DNAH12: variants seen among roughly 807,000 people sequenced by gnomAD.
DNAH12 encodes dynein axonemal heavy chain 12, also known as axonemal beta dynein heavy chain 12.
Under a neutral mutation model 371.5 loss-of-function variants are expected in DNAH12, and 285 were observed. The ratio of observed to expected loss-of-function variants is 0.77; its 90% confidence interval spans 0.70 to 0.85. The LOEUF is 0.85. Among genes scored for constraint, DNAH12 ranks in the 40% least tolerant of loss-of-function variants. DNAH12 has a pLI of 0.00. For missense variants in DNAH12, 3,611 were observed against 3,689.4 expected, an observed-to-expected ratio of 0.98 and a Z score of 0.55; for synonymous variants, 1,200 against 1,213.0, an observed-to-expected ratio of 0.99 and a Z score of 0.22.
At chr3:57,307,883 A>G (rs1275989735) in intron 69 of DNAH12, among the ~76,000 whole-genome samples, 5 of 152,138 alleles carry the variant, frequency 3.3e-5, no homozygotes, top group Non-Finnish European at 7.3e-5. Context: ...ACCAGGCCTA[A>G]TTGCCACACA....
At chr3:57,366,240 T>C (rs2063048742) in intron 57 of DNAH12, among the ~76,000 whole-genome samples, 1 of 152,122 alleles carries the variant, frequency 6.6e-6, no homozygotes, top group South Asian at 2.1e-4. Flanking sequence ...TTACAAATGC[T>C]ATGACAATGT....
At position 57,437,052 on chromosome 3, in the gene DNAH12, C is replaced by T; in HGVS notation, c.4554G>A (p.Leu1518=). 2 of 1,515,760 alleles carry T rather than the reference C, an allele frequency of 1.3e-6. No homozygotes were observed. Among genetic ancestry groups the T allele is most frequent in the Non-Finnish European group, 1.8e-6 (2 of 1,136,434 alleles). 93.9% of individuals were successfully genotyped at this position (1,515,760 alleles called of 1,614,324 possible). A position where few individuals can be genotyped will look rare whatever the true frequency, so the allele number is the denominator to read the frequency against. The change falls in exon 30 of 74, where the codon TTG becomes TTA. Residue 1518 remains leucine (L), a synonymous_variant. Transcript: ENST00000495027. ...KLPEADYHEF[L]ECAHEACNVH... is the part of the protein sequence containing the mutation. ...CATTGCAGGCTTCATGAGCACATTC[C>T]AAAAATTCCTGAAATAAAAAAAAGT...
At chr3:57,438,954 T>C (rs1322504390) in intron 29 of DNAH12, among the ~76,000 whole-genome samples, 1 of 106,952 alleles carries the variant, frequency 9.3e-6, no homozygotes, top group Non-Finnish European at 2.0e-5. Flanking sequence ...CCATTTACAA[T>C]AGACATACAC....
chr3:57,434,613 T>G (rs951355562), intron 30 of DNAH12, among the ~76,000 whole-genome samples: 1 of 152,182 alleles, frequency 6.6e-6, no homozygotes, highest in Non-Finnish European at 1.5e-5. Context: ...AAAAAAAACC[T>G]AATGTGGCAT....
rs780906229 is a variant in DNAH12 at position 57,293,876 on chromosome 3, T to C, written c.11788A>G (p.Thr3930Ala). 29 of 1,549,948 alleles carry C rather than the reference T, an allele frequency of 1.9e-5. No homozygotes were observed. The highest frequency in any genetic ancestry group is 5.9e-5 in the Admixed American group (3 of 50,810). The change falls in exon 74 of 74, where the codon ACT (threonine) becomes GCT (alanine). Residue 3930 changes from threonine to alanine, a missense_variant. By Grantham distance (58) the Thr-to-Ala change is moderately conservative. Transcript: ENST00000495027. ...KGTLSTTGHS[T>A]NFVIAMLLKT... ...AACAACATTGCAATGACAAAGTTAG[T>C]AGAATGTCCCGTAGTGGAAAGAGTT...
intron 4 of DNAH12, chr3:57,520,073 T>TTTGGAGCCGCCC: frequency 2.0e-6 from 1 of 505,454 alleles, no homozygotes; most frequent in Admixed American, 3.9e-5. Context: ...GTGGCGGCTC[T>TTTGGAGCCGCCC]GTGGCTACAG....
chr3:57,471,519 G>A lies in DNAH12; in HGVS notation c.1864C>T (p.Arg622Cys), dbSNP rs377698971. ...LILEIEKESR[R>C]MEEFTEFAEL... is the part of the protein sequence containing the mutation. ...GCAAATTCTGTAAACTCCTCCATGC[G>A]GCGTGATTCTTTTTCTATTTCCAAA... Residue 622 changes from arginine to cysteine, a missense_variant, in exon 15 of 74, where the codon CGC (arginine) becomes TGC (cysteine). Transcript: ENST00000495027. 7.9e-5 allele frequency: 122 copies of A among 1,548,578 alleles called. No individual in the cohort carries two copies. The highest frequency in any genetic ancestry group is 1.2e-4 in the Admixed American group (6 of 49,950).
At position 57,408,774 on chromosome 3, in the gene DNAH12, CCT is replaced by C. The variant is rs1371324399; in HGVS notation, c.6021-241_6021-240del. The stretch of plus-strand genomic sequence containing the variant: ...GAATGACCCTTCCCTCTTACTTTTC[CCT>C]CTCTTTCCTCCTACTCTTCCTTACA... On this transcript the variant is annotated intron_variant, in intron 39 of 73. Coordinates refer to ENST00000495027, the MANE Select transcript of DNAH12 (RefSeq NM_001366028.2). Among the ~76,000 whole-genome samples, 18 of 152,170 alleles carry C rather than the reference CCT, an allele frequency of 1.2e-4. No individual in the cohort carries two copies. In the East Asian group the frequency reaches 3.3e-3, roughly 28 times the overall value.
chr3:57,295,418 G>C (rs1334060277), intron 73 of DNAH12, 107 bp downstream of exon 73: 1 of 739,490 alleles, frequency 1.4e-6, no homozygotes, highest in Non-Finnish European at 2.2e-6. Flanking sequence ...TTATAATTGA[G>C]CTAGATCCTA....
chr3:57,459,837 A>C (rs968989913), intron 19 of DNAH12, 51 bp from the exon 20 acceptor site: 1 of 1,245,608 alleles, frequency 8.0e-7, no homozygotes, highest in Non-Finnish European at 1.0e-6. Context: ...GAAAGGCTAT[A>C]AATTATAGCA....
intron 60 of DNAH12, among the ~76,000 whole-genome samples, chr3:57,339,128 G>T (rs891328312): frequency 6.6e-6 from 1 of 152,120 alleles, no homozygotes; most frequent in Non-Finnish European, 1.5e-5. Context: ...AGGGTTAAAT[G>T]GATTAAGGGC....
intron 2 of DNAH12, among the ~76,000 whole-genome samples, chr3:57,528,453 C>T (rs1054345289): frequency 4.6e-5 from 7 of 151,176 alleles, no homozygotes; most frequent in South Asian, 4.2e-4. Flanking sequence ...GGGCCAGGCG[C>T]GGTGGCTCAC....
chr3:57,333,949 T>C (rs1333768373), intron 62 of DNAH12, among the ~76,000 whole-genome samples: 1 of 152,150 alleles, frequency 6.6e-6, no homozygotes, highest in Non-Finnish European at 1.5e-5. Flanking sequence ...ATTATAACTG[T>C]GTTCAACTAT....
At chr3:57,415,209 A>G (rs9811706) in intron 38 of DNAH12, among the ~76,000 whole-genome samples, 80,946 of 151,876 alleles carry the variant, frequency 0.53, 23,109 homozygotes, top group African/African-American at 0.75. Flanking sequence ...TCAGGCTTAA[A>G]AAAAAAACAG....
At chr3:57,332,543 A>G (rs2062124005) in intron 62 of DNAH12, among the ~76,000 whole-genome samples, 1 of 152,234 alleles carries the variant, frequency 6.6e-6, no homozygotes, top group African/African-American at 2.4e-5. Flanking sequence ...GAGGTATGCT[A>G]GACTGTGGAA....
chr3:57,471,339 T>G, intron 15 of DNAH12, 133 bp downstream of exon 15: 1 of 568,676 alleles, frequency 1.8e-6, no homozygotes, highest in Non-Finnish European at 2.5e-6. Flanking sequence ...TGTATATATG[T>G]AATATATAGA....
At chr3:57,453,633 G>A (rs907457185) in intron 23 of DNAH12, among the ~76,000 whole-genome samples, 1 of 151,856 alleles carries the variant, frequency 6.6e-6, no homozygotes, top group Non-Finnish European at 1.5e-5. Context: ...GGCTGCGGTG[G>A]TGGGATCTCG....
intron 25 of DNAH12, among the ~76,000 whole-genome samples, chr3:57,447,455 A>G (rs2065545175): frequency 6.6e-6 from 1 of 152,158 alleles, no homozygotes; most frequent in Non-Finnish European, 1.5e-5. Context: ...AAGTACGGCT[A>G]AGTGACCAAG....
the DNAH12 span, among the ~76,000 whole-genome samples, chr3:57,549,696 T>C: frequency 1.3e-5 from 2 of 152,004 alleles, no homozygotes; most frequent in Admixed American, 1.3e-4. Flanking sequence ...CAATCTCAGC[T>C]CACTGCGACT....
Sources: allele counts gnomAD v4.1 joint callset (sites outside exome capture counted in the v4.1 genomes callset), GRCh38; gene constraint gnomAD v4.1.1; transcripts MANE v1.5; gene names NCBI Gene and HGNC (gene_info 2026-07-23, HGNC 2026-07-21).